Variants in RUFY3 observed in about 807,000 individuals in gnomAD.
RUFY3 encodes the protein protein RUFY3.
A neutral mutation model predicts 84.0 loss-of-function variants in RUFY3; 34 were observed. The observed-to-expected ratio is 0.40, with a 90% CI of 0.31 to 0.54. The LOEUF is 0.54. Among genes scored for constraint, RUFY3 ranks in the 20% least tolerant of loss-of-function variants. The pLI, the probability that RUFY3 is intolerant of heterozygous loss-of-function variation, is 0.39. For synonymous variants in RUFY3, 242 were observed against 252.9 expected, an observed-to-expected ratio of 0.96 and a Z score of 0.41; for missense variants, 507 against 736.8, an observed-to-expected ratio of 0.69 and a Z score of 3.61.
At position 70,714,641 on chromosome 4, in the gene RUFY3, TA is replaced by T. The variant is rs1313392259; in HGVS notation, c.358+9348del. ...GTGGAAAAATGCCATTGCAAGGCTA[TA>T]TACATATCTATACCAGCAAGTATCT... On this transcript the variant is annotated intron_variant, in intron 1 of 11. Transcript: ENST00000417478. Among the ~76,000 whole-genome samples, 11 of 152,362 alleles carry T rather than the reference TA, an allele frequency of 7.2e-5. No homozygotes were observed. In the South Asian group the frequency reaches 1.0e-3, roughly 14 times the overall value.
chr4:70,752,736 C>T (rs1383013155), intron 1 of RUFY3, among the ~76,000 whole-genome samples: 1 of 152,054 alleles, frequency 6.6e-6, no homozygotes, highest in Admixed American at 6.6e-5. Context: ...TGTGTTGGAC[C>T]GACCTTGCAT....
intron 1 of RUFY3, among the ~76,000 whole-genome samples, chr4:70,711,354 G>C (rs942656441): frequency 2.0e-5 from 3 of 152,186 alleles, no homozygotes; most frequent in Admixed American, 6.5e-5. Flanking sequence ...AGAGGCGTCT[G>C]CCCAGGCTGG....
At chr4:70,706,412 A>G (rs1170371270) in intron 1 of RUFY3, among the ~76,000 whole-genome samples, 1 of 152,182 alleles carries the variant, frequency 6.6e-6, no homozygotes, top group Non-Finnish European at 1.5e-5. Flanking sequence ...TTTATTGATT[A>G]TTTCCTATGT....
chr4:70,713,462 G>A (rs1199220491), intron 1 of RUFY3, among the ~76,000 whole-genome samples: 2 of 152,182 alleles, frequency 1.3e-5, no homozygotes, highest in African/African-American at 4.8e-5. Flanking sequence ...TGCTGGCCAA[G>A]GTGGCATTCC....
At chr4:70,725,771 A>G (rs1198402085) in intron 1 of RUFY3, among the ~76,000 whole-genome samples, 1 of 152,246 alleles carries the variant, frequency 6.6e-6, no homozygotes, top group Non-Finnish European at 1.5e-5. Context: ...ACCTTAAGAG[A>G]TAAACAGGTG....
intron 4 of RUFY3, among the ~76,000 whole-genome samples, chr4:70,766,308 A>G (rs113173750): frequency 2.0e-5 from 3 of 151,820 alleles, no homozygotes; most frequent in South Asian, 4.2e-4. Flanking sequence ...GCAGTGGTGC[A>G]ATCACGGCTC....
chr4:70,720,027 A>G (rs938453068), upstream of RUFY3, among the ~76,000 whole-genome samples: 2 of 152,146 alleles, frequency 1.3e-5, no homozygotes, highest in African/African-American at 4.8e-5. Context: ...CCCAATTATA[A>G]ATAAGCCTAT....
chr4:70,736,152 CAA>C (rs1020403164), intron 1 of RUFY3, among the ~76,000 whole-genome samples: 37 of 60,802 alleles, frequency 6.1e-4, no homozygotes, highest in Admixed American at 9.5e-4. Context: ...GACCCTGTCT[CAA>C]AAAAAAAAAA....
intron 1 of RUFY3, among the ~76,000 whole-genome samples, chr4:70,759,251 TG>T (rs1560506060): frequency 6.6e-6 from 1 of 152,164 alleles, no homozygotes; most frequent in East Asian, 1.9e-4. Flanking sequence ...TGAGAACATG[TG>T]GTATTTATCT....
chr4:70,785,556 CA>C (rs1281070703), intron 10 of RUFY3, among the ~76,000 whole-genome samples: 1 of 151,886 alleles, frequency 6.6e-6, no homozygotes, highest in African/African-American at 2.4e-5. Flanking sequence ...GGGCCAGGCA[CA>C]GTGGCTCACA....
chr4:70,794,314 T>A (rs1731236199), intron 13 of RUFY3, among the ~76,000 whole-genome samples: 1 of 152,150 alleles, frequency 6.6e-6, no homozygotes. Flanking sequence ...GGCGCAGTGG[T>A]TCATGCCTGT....
At chr4:70,718,609 G>GA (rs1275578309), upstream of RUFY3, among the ~76,000 whole-genome samples, 3 of 151,506 alleles carry the variant, frequency 2.0e-5, no homozygotes, top group Admixed American at 1.3e-4. Flanking sequence ...CTGTATGTGA[G>GA]AAAAAAAATC....
intron 8 of RUFY3, among the ~76,000 whole-genome samples, chr4:70,781,178 G>A (rs919951281): frequency 2.0e-5 from 3 of 151,914 alleles, no homozygotes; most frequent in Admixed American, 6.5e-5. Context: ...GAATTAAGCA[G>A]ATGAAGATAT....
chr4:70,769,349 A>G (rs1560523287), intron 5 of RUFY3, among the ~76,000 whole-genome samples: 1 of 152,216 alleles, frequency 6.6e-6, no homozygotes, highest in Non-Finnish European at 1.5e-5. Context: ...TTTTTTAAAT[A>G]AAAAGTTTGT....
chr4:70,749,799 A>C (rs1228007222), intron 1 of RUFY3, among the ~76,000 whole-genome samples: 1 of 151,164 alleles, frequency 6.6e-6, no homozygotes, highest in Non-Finnish European at 1.5e-5. Context: ...ACAGGTTTGC[A>C]CCACCACACC....
chr4:70,768,635 A>G lies in RUFY3; in HGVS notation c.670A>G (p.Met224Val), dbSNP rs771848845. 1 of 1,613,938 alleles carries G rather than the reference A, an allele frequency of 6.2e-7. No individual in the cohort carries two copies. Among genetic ancestry groups the G allele is most frequent in the Non-Finnish European group, 8.5e-7 (1 of 1,179,976 alleles). Residue 224 changes from methionine (M) to valine (V), a missense_variant, in exon 5 of 18, where the codon ATG becomes GTG. By Grantham distance (21) the Met-to-Val change is conservative. Around this residue, in one of 4 missense-constraint regions of RUFY3, gnomAD observed 133 missense variants for 301.1 expected, o/e 0.44. Coordinates refer to ENST00000381006, the MANE Select transcript of RUFY3 (RefSeq NM_001037442.4). ...GLNVIDANFC[M>V]KGEDLDSQVG... Reference sequence around the variant, plus strand: ...GAATGTCATTGATGCCAATTTCTGTATGAAAGGAGAAGACTTGGACTCTCA... The same window carrying G: ...GAATGTCATTGATGCCAATTTCTGTGTGAAAGGAGAAGACTTGGACTCTCA...
At chr4:70,755,726 C>T (rs898317740) in intron 1 of RUFY3, among the ~76,000 whole-genome samples, 4 of 151,958 alleles carry the variant, frequency 2.6e-5, no homozygotes, top group East Asian at 1.9e-4. Flanking sequence ...CTGAGGCGGG[C>T]GGATCACGAG....
chr4:70,775,662 C>A (rs1415206656), intron 7 of RUFY3, among the ~76,000 whole-genome samples: 1 of 152,072 alleles, frequency 6.6e-6, no homozygotes, highest in African/African-American at 2.4e-5. Flanking sequence ...TTAATCATAT[C>A]GTCCAGGTGT....
rs1347907098 is a variant in RUFY3, at chr4:70,722,605, C to T, written c.32C>T (p.Pro11Leu). ...GCTCTGACGCCTCCGACCGATATGC[C>T]AACCCCCACCACTGACAAGATCACA... MSALTPPTDMPTPTTDKITQA... is the reference protein window; with the variant it reads MSALTPPTDMLTPTTDKITQA... Residue 11 changes from proline to leucine, a missense_variant, in exon 1 of 18, where the codon CCA becomes CTA. Transcript: ENST00000381006. 1.2e-6 allele frequency: 2 copies of T among 1,613,620 alleles called. No individual in the cohort carries two copies. Among genetic ancestry groups the T allele is most frequent in the East Asian group, 4.5e-5 (2 of 44,862 alleles).
Sources: allele counts gnomAD v4.1 joint callset (sites outside exome capture counted in the v4.1 genomes callset), GRCh38; gene constraint gnomAD v4.1.1; regional missense constraint gnomAD v4.1.1; transcripts MANE v1.5; gene names NCBI Gene and HGNC (gene_info 2026-07-23, HGNC 2026-07-21).